Variants in ZNF208 observed in about 807,000 individuals in gnomAD.
ZNF208 encodes zinc finger protein 208.
Under a neutral mutation model 12.1 loss-of-function variants are expected in ZNF208, and 10 were observed. The observed-to-expected ratio is 0.83, with a 90% CI of 0.51 to 1.40. The LOEUF is 1.40. Ranked by LOEUF, ZNF208 falls within the 40% of genes most tolerant of loss-of-function variation. The probability of loss-of-function intolerance (pLI) is 0.00; values close to 1 mark genes in which losing one functional copy is unlikely to be tolerated. For synonymous variants in ZNF208, 497 were observed against 488.4 expected (o/e 1.02, Z -0.23); for missense variants, 1,652 against 1,485.0 (o/e 1.11, Z -1.85).
At chr19:21,987,352 T>A in intron 2 of ZNF208, 41 bp from the exon 3 acceptor site, 1 of 1,571,388 alleles carries the variant, frequency 6.4e-7, no homozygotes, top group Non-Finnish European at 8.6e-7. Context: ...TTGCTCATAT[T>A]CTCCAATTAC....
rs911022859 is a variant in ZNF208 at position 21,973,459 on chromosome 19, G to T, written c.1575C>A (p.Tyr525Ter). ...HKRIHTGEKP[Y>*]KCEECGKSFS... ...AGCTTTTGCCACATTCTTCACATTT[G>T]TAGGGTTTCTCTCCAGTATGAATTC... Residue 525 changes from tyrosine (Y) to a stop codon, truncating the protein, a stop_gained, in exon 4 of 4, where the codon TAC becomes TAA. Coordinates refer to ENST00000397126, the MANE Select transcript of ZNF208 (RefSeq NM_007153.3). LOFTEE classifies it low-confidence loss of function (END_TRUNC). 6.2e-7 allele frequency: 1 copy of T among 1,613,050 alleles called. No homozygotes were observed. The highest frequency in any genetic ancestry group is 1.3e-5 in the African/African-American group (1 of 74,930).
At chr19:21,992,502 A>G (rs1469903129) in intron 1 of ZNF208, among the ~76,000 whole-genome samples, 1 of 152,230 alleles carries the variant, frequency 6.6e-6, no homozygotes, top group East Asian at 1.9e-4. Flanking sequence ...AATAAATACC[A>G]TACTGCTTCA....
chr19:22,003,812 C>T (rs1246542513), intron 1 of ZNF208, among the ~76,000 whole-genome samples: 1 of 152,082 alleles, frequency 6.6e-6, no homozygotes, highest in African/African-American at 2.4e-5. Context: ...TTCATTGCAG[C>T]ACTATTCACA....
chr19:21,961,374 A>G (rs1047873192), downstream of ZNF208, among the ~76,000 whole-genome samples: 3 of 152,314 alleles, frequency 2.0e-5, no homozygotes, highest in Admixed American at 2.0e-4. Context: ...AACAAAGATC[A>G]CATGCTTCTG....
At chr19:21,994,780 A>G (rs1970800558) in intron 1 of ZNF208, among the ~76,000 whole-genome samples, 1 of 152,136 alleles carries the variant, frequency 6.6e-6, no homozygotes, top group Admixed American at 6.5e-5. Flanking sequence ...AGGTGTAGAC[A>G]TCAGAAACCA....
chr19:22,005,949 A>G (rs1276341656), intron 1 of ZNF208, among the ~76,000 whole-genome samples: 2 of 152,148 alleles, frequency 1.3e-5, no homozygotes, highest in Non-Finnish European at 2.9e-5. Flanking sequence ...TTTCTTACCT[A>G]CTACACAACC....
intron 1 of ZNF208, among the ~76,000 whole-genome samples, chr19:22,007,392 C>T (rs1187678213): frequency 1.3e-5 from 2 of 150,386 alleles, no homozygotes; most frequent in Non-Finnish European, 3.0e-5. Context: ...TGGTGGCGGG[C>T]TCCCACTATT....
chr19:21,995,640 G>T (rs73930362), intron 1 of ZNF208, among the ~76,000 whole-genome samples: 1 of 152,122 alleles, frequency 6.6e-6, no homozygotes, highest in Non-Finnish European at 1.5e-5. Flanking sequence ...TCCAGAATCC[G>T]GGTTGTCCGT....
intron 3 of ZNF208, among the ~76,000 whole-genome samples, chr19:21,984,551 C>CA (rs1186064704): frequency 2.7e-5 from 4 of 150,852 alleles, no homozygotes; most frequent in Non-Finnish European, 5.9e-5. Flanking sequence ...GACTCTGTCT[C>CA]AAAAAAACAA....
rs959919118 is a variant in ZNF208 at position 21,968,411 on chromosome 19, T to C, written c.*2780A>G. On this transcript the variant is annotated 3_prime_UTR_variant, in exon 4 of 4. Transcript: ENST00000397126. ...TGTGTTGACAACATTTTTGAGTTAA[T>C]ATTGGGTTTTCTTGAATGCTTTTTC... is the stretch of plus-strand genomic sequence containing the variant. The C allele has an allele frequency of 2.0e-5, 3 of 152,174 alleles. No homozygotes were observed. The highest frequency in any genetic ancestry group is 4.4e-5 in the Non-Finnish European group (3 of 68,008). 9.4% of individuals were successfully genotyped at this position (152,174 alleles called of 1,614,324 possible). A position where few individuals can be genotyped will look rare whatever the true frequency, so the allele number is the denominator to read the frequency against.
At chr19:21,951,285 G>C (rs1969883714) in intron 4 of ZNF208, among the ~76,000 whole-genome samples, 1 of 152,052 alleles carries the variant, frequency 6.6e-6, no homozygotes, top group South Asian at 2.1e-4. Flanking sequence ...CACTTACCAG[G>C]TTTTACATTA....
chr19:21,961,655 G>A (rs746861340), downstream of ZNF208, among the ~76,000 whole-genome samples: 14 of 152,018 alleles, frequency 9.2e-5, no homozygotes, highest in Non-Finnish European at 1.6e-4. Flanking sequence ...CTCCCAGAGC[G>A]GCTGTTTATA....
Position 21,970,489 on chromosome 19 carries a change from A to G in ZNF208, c.*702T>C, listed in dbSNP as rs1341247728. ...TTATGTTCAGTAAGCGTTGAGAATT[A>G]ATTAATAGTTTTGCCACATTTTTCA... On this transcript the variant is annotated 3_prime_UTR_variant, in exon 4 of 4. Coordinates refer to ENST00000397126, the MANE Select transcript of ZNF208 (RefSeq NM_007153.3). 6.6e-6 allele frequency among the ~76,000 whole-genome samples: 1 copy of G among 152,094 alleles called. No homozygotes were observed. Among genetic ancestry groups the G allele is most frequent in the Non-Finnish European group, 1.5e-5 (1 of 68,022 alleles).
intron 1 of ZNF208, among the ~76,000 whole-genome samples, chr19:22,003,239 C>T (rs1260302673): frequency 6.6e-6 from 1 of 151,854 alleles, no homozygotes; most frequent in African/African-American, 2.4e-5. Flanking sequence ...TTAAAAAACC[C>T]TGGAAGGTAA....
rs143994425 is a variant in ZNF208 at position 21,994,748 on chromosome 19, T to C, written c.4-5839A>G. ...GTAAAAGAAATACAAATAATAATAA[T>C]GACTCTTCCGTTTATAAGTTCAGGT... On this transcript the variant is annotated intron_variant, in intron 1 of 3. Coordinates refer to ENST00000397126, the MANE Select transcript of ZNF208 (RefSeq NM_007153.3). 7.7e-3 allele frequency among the ~76,000 whole-genome samples: 1,169 copies of C among 152,196 alleles called. 8 individuals are homozygous for C. Among genetic ancestry groups the C allele is most frequent in the African/African-American group, 0.026 (1,095 of 41,524 alleles).
downstream of ZNF208, among the ~76,000 whole-genome samples, chr19:21,961,216 T>C (rs1970062263): frequency 6.6e-6 from 1 of 152,132 alleles, no homozygotes; most frequent in African/African-American, 2.4e-5. Flanking sequence ...CAGCTGGGCC[T>C]CCAGGGGTGA....
Position 21,972,589 on chromosome 19 carries a change from A to T in ZNF208, c.2445T>A (p.Ser815Arg). 1 of 1,612,668 alleles carries T rather than the reference A, an allele frequency of 6.2e-7. No homozygotes were observed. Among genetic ancestry groups the T allele is most frequent in the Non-Finnish European group, 8.5e-7 (1 of 1,179,678 alleles). ...YKCEECGKTF[S>R]KVSTLTTHKA... ...TATGTGTAGTAAGGGTTGAGACCTT[A>T]CTAAAGGTTTTGCCACATTCTTCAC... Residue 815 changes from serine to arginine, a missense_variant, in exon 4 of 4, where the codon AGT (serine) becomes AGA (arginine). By Grantham distance (110) the Ser-to-Arg change is moderately radical (BLOSUM62 -1). Coordinates refer to ENST00000397126, the MANE Select transcript of ZNF208 (RefSeq NM_007153.3).
intron 4 of ZNF208, among the ~76,000 whole-genome samples, chr19:21,950,385 C>A (rs895756678): frequency 2.0e-5 from 3 of 151,930 alleles, no homozygotes; most frequent in African/African-American, 7.2e-5. Context: ...TGCTTTTTTT[C>A]ATGAAACCCC....
At position 21,996,217 on chromosome 19, in the gene ZNF208, T is replaced by C. The variant is rs562450514; in HGVS notation, c.4-7308A>G. 5.9e-5 allele frequency among the ~76,000 whole-genome samples: 9 copies of C among 152,152 alleles called. No individual in the cohort carries two copies. In the East Asian group the frequency reaches 1.5e-3, roughly 26 times the overall value. On this transcript the variant is annotated intron_variant, in intron 1 of 3. Coordinates refer to ENST00000397126, the MANE Select transcript of ZNF208 (RefSeq NM_007153.3). Reference sequence around the variant, plus strand: ...TTAACTTGAGACAAAATATTCAAGTTGCCTGGAATCTACACTTTCATTAGC... The same window carrying C: ...TTAACTTGAGACAAAATATTCAAGTCGCCTGGAATCTACACTTTCATTAGC...
Sources: gnomAD v4.1 joint callset for allele counts (sites outside exome capture counted in the v4.1 genomes callset) on GRCh38, gnomAD v4.1.1 for gene constraint, MANE v1.5 for transcripts, NCBI Gene and HGNC (gene_info 2026-07-23, HGNC 2026-07-21) for gene names.